CD55: variants seen among roughly 807,000 people sequenced by gnomAD.
CD55 encodes the protein CD55 molecule (Cromer blood group), also known as complement decay-accelerating factor.
CD55 carries 41 observed loss-of-function variants against 45.8 expected under a neutral mutation model. That is an observed-to-expected ratio of 0.90 (90% CI 0.70 to 1.16). The LOEUF (loss-of-function observed/expected upper bound fraction) is 1.16. Among genes scored for constraint, CD55 ranks in the 50% most tolerant of loss-of-function variants. CD55 has a pLI of 0.00. For missense variants in CD55, 416 were observed against 469.8 expected, an observed-to-expected ratio of 0.89 and a Z score of 1.06; for synonymous variants, 181 against 181.1, an observed-to-expected ratio of 1.00 and a Z score of 0.01.
rs76728728 is a variant in CD55, at chr1:207,358,977, C to T, written c.1082-569C>T. The stretch of plus-strand genomic sequence containing the variant: ...ATAATTTGCATCATGAGATGGTTGA[C>T]CTACCTTGTATTTCTCCTTTTGCTT... On this transcript the variant is annotated intron_variant, in intron 9 of 9. Coordinates refer to ENST00000367064, the MANE Select transcript of CD55 (RefSeq NM_000574.5). Among the ~76,000 whole-genome samples, 259 of 152,174 alleles carry T rather than the reference C, an allele frequency of 1.7e-3. 8 individuals carry two copies. In the East Asian group the frequency reaches 0.036, roughly 21 times the overall value.
chr1:207,332,473 G>A (rs990453087), intron 6 of CD55, among the ~76,000 whole-genome samples: 1 of 152,130 alleles, frequency 6.6e-6, no homozygotes, highest in Admixed American at 6.5e-5. Flanking sequence ...TTAAAAGACT[G>A]TACCAATTTA....
At chr1:207,353,689 G>A (rs1468025420) in intron 9 of CD55, among the ~76,000 whole-genome samples, 1 of 152,080 alleles carries the variant, frequency 6.6e-6, no homozygotes, top group African/African-American at 2.4e-5. Context: ...GGAAAAGGAA[G>A]TATGTGAATT....
At chr1:207,349,152 A>G (rs1379800911) in intron 9 of CD55, among the ~76,000 whole-genome samples, 2 of 151,774 alleles carry the variant, frequency 1.3e-5, no homozygotes, top group Admixed American at 6.6e-5. Flanking sequence ...AAATTGCTTT[A>G]GGCAGTATGG....
At chr1:207,346,649 C>T (rs186895382) in intron 9 of CD55, among the ~76,000 whole-genome samples, 1 of 152,168 alleles carries the variant, frequency 6.6e-6, no homozygotes, top group Non-Finnish European at 1.5e-5. Flanking sequence ...CCAGAAAATG[C>T]CTGGCTGCTC....
chr1:207,321,855 G>C lies in CD55; in HGVS notation c.90G>C (p.Pro30=). Reference sequence around the variant, plus strand: ...TGCTGCTGGTGCTGTTGTGCCTGCCGGCCGTGTGGGGTGAGTAGGGGCCCG... The same window carrying C: ...TGCTGCTGGTGCTGTTGTGCCTGCCCGCCGTGTGGGGTGAGTAGGGGCCCG... ...RLLLLVLLCL[P]AVWGDCGLPP... is the part of the protein sequence containing the mutation. The change falls in exon 1 of 10, where the codon CCG becomes CCC. Residue 30 remains proline, a synonymous_variant. Coordinates refer to ENST00000367064, the MANE Select transcript of CD55 (RefSeq NM_000574.5). The C allele has an allele frequency of 3.9e-6, 6 of 1,526,988 alleles. No homozygotes were observed. Among genetic ancestry groups the C allele is most frequent in the Non-Finnish European group, 5.3e-6 (6 of 1,142,186 alleles). 94.6% of individuals were successfully genotyped at this position (1,526,988 alleles called of 1,614,324 possible).
intron 9 of CD55, among the ~76,000 whole-genome samples, chr1:207,341,298 T>G (rs1655415769): frequency 6.6e-6 from 1 of 152,224 alleles, no homozygotes; most frequent in Non-Finnish European, 1.5e-5. Flanking sequence ...ATTTTTGTTT[T>G]TATTGTCTAT....
chr1:207,354,916 T>TC (rs1656020140), intron 9 of CD55, among the ~76,000 whole-genome samples: 1 of 152,242 alleles, frequency 6.6e-6, no homozygotes, highest in African/African-American at 2.4e-5. Flanking sequence ...CTGGATGTTC[T>TC]AGATCACTCT....
At chr1:207,322,087 G>T in intron 1 of CD55, 1 of 616,420 alleles carries the variant, frequency 1.6e-6, no homozygotes, top group Non-Finnish European at 2.9e-6. Flanking sequence ...TCGGCGTGGA[G>T]GGTTAAAGAG....
At chr1:207,328,615 T>G (rs1220285361) in intron 5 of CD55, among the ~76,000 whole-genome samples, 1 of 152,224 alleles carries the variant, frequency 6.6e-6, no homozygotes, top group Non-Finnish European at 1.5e-5. Context: ...CTTATCTCTC[T>G]GCCAATGTTT....
In CD55 at chr1:207,332,739, T is replaced by G. The variant is rs56961640; in HGVS notation, c.853+1443T>G. ...CAAGTAGGTCATGGCAGGCTGATGC[T>G]TCCATTAAAACGACTATAAAATCTC... On this transcript the variant is annotated intron_variant, in intron 6 of 9. Coordinates refer to ENST00000367064, the MANE Select transcript of CD55 (RefSeq NM_000574.5). Among the ~76,000 whole-genome samples, 835 of 152,316 alleles carry G rather than the reference T, an allele frequency of 5.5e-3. 7 individuals carry two copies. The highest frequency in any genetic ancestry group is 0.018 in the African/African-American group (758 of 41,568).
intron 9 of CD55, among the ~76,000 whole-genome samples, chr1:207,359,280 G>A (rs1656193553): frequency 6.6e-6 from 1 of 151,622 alleles, no homozygotes; most frequent in African/African-American, 2.4e-5. Flanking sequence ...TAATCTGAAG[G>A]TACCTTAATT....
chr1:207,339,461 T>G (rs1360503011), intron 9 of CD55, 44 bp downstream of exon 9: 4 of 1,459,164 alleles, frequency 2.7e-6, no homozygotes, highest in Non-Finnish European at 3.8e-6. Context: ...GTTTTCACTG[T>G]GGGATATACA....
chr1:207,323,653 C>T (rs886223979), intron 2 of CD55, among the ~76,000 whole-genome samples: 5 of 152,146 alleles, frequency 3.3e-5, no homozygotes, highest in Admixed American at 6.5e-5. Context: ...ATAGAAGCTA[C>T]TGTAAATACA....
In CD55 at chr1:207,321,806, T is replaced by C; in HGVS notation, c.41T>C (p.Leu14Pro). The C allele has an allele frequency of 6.5e-7, 1 of 1,527,556 alleles. No individual in the cohort carries two copies. The allele number at this position is 1,527,556 out of a possible 1,614,324, so 94.6% of individuals were successfully genotyped here. A position where few individuals can be genotyped will look rare whatever the true frequency, so the allele number is the denominator to read the frequency against. The change falls in exon 1 of 10, where the codon CTC (leucine) becomes CCC (proline). Residue 14 changes from leucine (L) to proline (P), a missense_variant. Physicochemically the swap from Leu to Pro is moderately conservative, Grantham distance 98 (BLOSUM62 -3). Coordinates refer to ENST00000367064, the MANE Select transcript of CD55 (RefSeq NM_000574.5). ...CCGAGCGTGCCCGCGGCGCTGCCCCTCCTCGGGGAGCTGCCCCGGCTGCTG... is the reference window on the plus strand; with the variant it reads ...CCGAGCGTGCCCGCGGCGCTGCCCCCCCTCGGGGAGCTGCCCCGGCTGCTG... ...ARPSVPAALPLLGELPRLLLL... is the reference protein window; with the variant it reads ...ARPSVPAALPPLGELPRLLLL...
intron 9 of CD55, among the ~76,000 whole-genome samples, chr1:207,354,753 TATTA>T (rs1656013713): frequency 6.6e-6 from 1 of 152,218 alleles, no homozygotes; most frequent in Non-Finnish European, 1.5e-5. Context: ...AATATGCTCT[TATTA>T]ATTTACTGAG....
At chr1:207,358,492 GT>G (rs1234710276) in intron 9 of CD55, 3 of 152,162 alleles carry the variant, frequency 2.0e-5, no homozygotes, top group Non-Finnish European at 4.4e-5. Flanking sequence ...CAATTCAATA[GT>G]TTTTTTCTTC....
Position 207,334,751 on chromosome 1 carries a change from A to AAT in CD55, c.854-1941_854-1940insTA, listed in dbSNP as rs998456928. On this transcript the variant is annotated intron_variant, in intron 6 of 9. Coordinates refer to ENST00000367064, the MANE Select transcript of CD55 (RefSeq NM_000574.5). ...ATAATGGATATTTAATCCAAAAGAG[A>AAT]ACGAGAGAGAGAGAAGCAGAAAGGA... Among the ~76,000 whole-genome samples, 222 of 76,064 alleles carry AAT rather than the reference A, an allele frequency of 2.9e-3. 1 individual carries two copies. The highest frequency in any genetic ancestry group is 4.2e-3 in the Admixed American group (31 of 7,432). The allele number at this position is 76,064 out of a possible 152,430, so 49.9% of individuals were successfully genotyped here. A position where few individuals can be genotyped will look rare whatever the true frequency, so the allele number is the denominator to read the frequency against.
intron 9 of CD55, among the ~76,000 whole-genome samples, chr1:207,344,738 A>T (rs1295368756): frequency 6.6e-6 from 1 of 150,656 alleles, no homozygotes; most frequent in African/African-American, 2.4e-5. Flanking sequence ...TTTGAGACAG[A>T]GTCTCATTCT....
intron 6 of CD55, among the ~76,000 whole-genome samples, chr1:207,333,133 C>A (rs568684196): frequency 3.2e-4 from 49 of 152,316 alleles, no homozygotes; most frequent in Middle Eastern, 6.8e-3. Context: ...AAAATGAAAT[C>A]TCTCAGAACC....
Sources: gnomAD v4.1 joint callset for allele counts (sites outside exome capture counted in the v4.1 genomes callset) on GRCh38, gnomAD v4.1.1 for gene constraint, MANE v1.5 for transcripts, NCBI Gene and HGNC (gene_info 2026-07-23, HGNC 2026-07-21) for gene names.